The following UTRN variants were observed in gnomAD, a reference collection of about 807,000 sequenced individuals.
The protein encoded by UTRN is utrophin, also known as dystrophin-related protein 1.
In UTRN, 283 loss-of-function variants were observed where a neutral mutation model predicts 463.9. The observed-to-expected ratio is 0.61, with a 90% CI of 0.55 to 0.67. UTRN has a LOEUF of 0.67. Ranked by LOEUF, UTRN falls within the 30% of genes least tolerant of loss-of-function variation. UTRN has a pLI of 0.00. For synonymous variants in UTRN, 1,442 were observed against 1,431.5 expected (o/e 1.01, Z -0.17); for missense variants, 3,922 against 4,084.3 (o/e 0.96, Z 1.08).
intron 51 of UTRN, among the ~76,000 whole-genome samples, chr6:144,636,618 T>G (rs1488622561): frequency 6.6e-6 from 1 of 152,222 alleles, no homozygotes. Context: ...AGAAGATAGA[T>G]TTTAGCAGCA....
intron 39 of UTRN, among the ~76,000 whole-genome samples, chr6:144,519,679 A>T (rs1795915692): frequency 6.6e-6 from 1 of 152,192 alleles, no homozygotes; most frequent in Non-Finnish European, 1.5e-5. Flanking sequence ...TTAAGTCTTG[A>T]ACGGCCTTGC....
intron 2 of UTRN, among the ~76,000 whole-genome samples, chr6:144,390,991 A>AC (rs570768265): frequency 6.6e-6 from 1 of 151,984 alleles, no homozygotes; most frequent in Non-Finnish European, 1.5e-5. Context: ...ACTAATTGTT[A>AC]TATTTAATAA....
intron 35 of UTRN, among the ~76,000 whole-genome samples, chr6:144,513,566 A>G (rs1795361831): frequency 6.6e-6 from 1 of 152,196 alleles, no homozygotes; most frequent in Admixed American, 6.5e-5. Context: ...AAAAGAAAAA[A>G]AGATTGAAGA....
chr6:144,446,704 A>T (rs1181209072), intron 14 of UTRN, among the ~76,000 whole-genome samples: 3 of 152,188 alleles, frequency 2.0e-5, no homozygotes, highest in Non-Finnish European at 2.9e-5. Context: ...TTGAACCTTG[A>T]ATGCTAGTGT....
intron 64 of UTRN, among the ~76,000 whole-genome samples, chr6:144,801,117 G>T (rs1777665218): frequency 6.6e-6 from 1 of 152,138 alleles, no homozygotes; most frequent in African/African-American, 2.4e-5. Flanking sequence ...TTGGAAGATG[G>T]TAAGTGATAT....
chr6:144,605,863 CTTATT>C (rs1027678170), intron 51 of UTRN, among the ~76,000 whole-genome samples: 7 of 152,002 alleles, frequency 4.6e-5, no homozygotes, highest in Non-Finnish European at 2.9e-5. Flanking sequence ...GCTTTTTACT[CTTATT>C]TTAAATTCTC....
intron 52 of UTRN, among the ~76,000 whole-genome samples, chr6:144,696,191 T>A (rs1056834242): frequency 3.3e-5 from 5 of 152,128 alleles, no homozygotes; most frequent in Non-Finnish European, 7.4e-5. Flanking sequence ...AACCATATTG[T>A]GAAACTACTA....
intron 53 of UTRN, among the ~76,000 whole-genome samples, chr6:144,702,399 G>A (rs1406679060): frequency 6.6e-6 from 1 of 152,084 alleles, no homozygotes; most frequent in Non-Finnish European, 1.5e-5. Flanking sequence ...TAATACAATT[G>A]GTTCATTTAT....
At chr6:144,601,012 C>T (rs1804190278) in intron 51 of UTRN, among the ~76,000 whole-genome samples, 1 of 152,150 alleles carries the variant, frequency 6.6e-6, no homozygotes, top group Non-Finnish European at 1.5e-5. Flanking sequence ...TGGATGACAG[C>T]ACACCTGTTT....
At chr6:144,596,552 C>T (rs1029021321) in intron 51 of UTRN, among the ~76,000 whole-genome samples, 3 of 152,056 alleles carry the variant, frequency 2.0e-5, no homozygotes, top group South Asian at 4.1e-4. Context: ...GACTGTACTA[C>T]CAAAGTGTAT....
chr6:144,496,382 T>A (rs2128582241), intron 33 of UTRN, among the ~76,000 whole-genome samples: 1 of 152,360 alleles, frequency 6.6e-6, no homozygotes, highest in African/African-American at 2.4e-5. Flanking sequence ...GTTGATGTGA[T>A]ACATTTTGAT....
chr6:144,825,234 T>C (rs1271461641), intron 66 of UTRN, among the ~76,000 whole-genome samples: 1 of 152,210 alleles, frequency 6.6e-6, no homozygotes, highest in Non-Finnish European at 1.5e-5. Context: ...GGAATATTAG[T>C]GTGTGATTGA....
intron 61 of UTRN, 121 bp from the exon 62 acceptor site, chr6:144,789,073 C>T (rs1586580170): frequency 1.3e-6 from 1 of 741,354 alleles, no homozygotes; most frequent in East Asian, 2.6e-5. Flanking sequence ...AGAAAAGTTG[C>T]ATCTTTAAGA....
rs1554389054 is a variant in UTRN, at chr6:144,778,605, C to CTAAGAATAA, written c.8633-3314_8633-3313insGAATAATAA. ...TGGGGAAGAGAAGATAGGGGAAATG[C>CTAAGAATAA]TAATAATAATAATAATAATAATAAT... On this transcript the variant is annotated intron_variant, in intron 60 of 74. Transcript: ENST00000367545. 4.4e-4 allele frequency among the ~76,000 whole-genome samples: 66 copies of CTAAGAATAA among 148,726 alleles called. 2 individuals are homozygous for CTAAGAATAA. The highest frequency in any genetic ancestry group is 2.6e-3 in the Admixed American group (39 of 14,916).
At chr6:144,660,435 G>A (rs138101836) in intron 51 of UTRN, among the ~76,000 whole-genome samples, 138 of 152,010 alleles carry the variant, frequency 9.1e-4, no homozygotes, top group African/African-American at 3.0e-3. Flanking sequence ...TGTTTTTCAA[G>A]TAAAGGGCTA....
chr6:144,287,586 A>G (rs573013766), intron 1 of UTRN, among the ~76,000 whole-genome samples: 1 of 152,366 alleles, frequency 6.6e-6, no homozygotes, highest in East Asian at 1.9e-4. Flanking sequence ...ATAGTACAAA[A>G]TAAAAATTAT....
intron 11 of UTRN, 23 bp downstream of exon 11, chr6:144,437,769 C>G (rs1379023472): frequency 1.3e-6 from 2 of 1,593,790 alleles, no homozygotes; most frequent in Non-Finnish European, 1.7e-6. Context: ...CCAAGAAATG[C>G]ACTTAATTCC....
intron 53 of UTRN, among the ~76,000 whole-genome samples, chr6:144,702,413 G>A (rs1784687362): frequency 6.6e-6 from 1 of 152,164 alleles, no homozygotes. Flanking sequence ...CATTTATTCA[G>A]CAAGTATTTA....
At chr6:144,375,960 G>T (rs1285761238) in intron 2 of UTRN, among the ~76,000 whole-genome samples, 1 of 152,024 alleles carries the variant, frequency 6.6e-6, no homozygotes, top group Non-Finnish European at 1.5e-5. Flanking sequence ...TTTATAAGTT[G>T]TAATGGGTTT....
Sources: allele counts gnomAD v4.1 joint callset (sites outside exome capture counted in the v4.1 genomes callset), GRCh38; gene constraint gnomAD v4.1.1; transcripts MANE v1.5; gene names NCBI Gene and HGNC (gene_info 2026-07-23, HGNC 2026-07-21).